FHIT: variants seen among roughly 807,000 people sequenced by gnomAD.
FHIT encodes the protein fragile histidine triad diadenosine triphosphatase.
A neutral mutation model predicts 17.9 loss-of-function variants in FHIT; 19 were observed. The observed-to-expected ratio is 1.06, with a 90% CI of 0.74 to 1.56. FHIT has a LOEUF of 1.56. Among genes scored for constraint, FHIT ranks in the 40% most tolerant of loss-of-function variants. FHIT has a pLI of 0.00. For synonymous variants in FHIT, 81 were observed against 69.7 expected (o/e 1.16, Z -0.81); for missense variants, 248 against 189.2 (o/e 1.31, Z -1.82).
At chr3:60,793,715 A>C (rs1237845996) in intron 4 of FHIT, among the ~76,000 whole-genome samples, 1 of 152,188 alleles carries the variant, frequency 6.6e-6, no homozygotes, top group African/African-American at 2.4e-5. Flanking sequence ...TCAGGGTAGA[A>C]TCCTCTGAGG....
At chr3:60,599,465 T>G (rs1184387036) in intron 4 of FHIT, among the ~76,000 whole-genome samples, 1 of 152,170 alleles carries the variant, frequency 6.6e-6, no homozygotes, top group Non-Finnish European at 1.5e-5. Flanking sequence ...TCTAAAATTT[T>G]TATTTGTTAC....
intron 8 of FHIT, among the ~76,000 whole-genome samples, chr3:59,918,966 T>A (rs1233101593): frequency 6.6e-6 from 1 of 151,932 alleles, no homozygotes; most frequent in Non-Finnish European, 1.5e-5. Context: ...GAGAAAAAAA[T>A]AAATACAGTG....
intron 3 of FHIT, among the ~76,000 whole-genome samples, chr3:60,833,911 G>A (rs1358454883): frequency 3.9e-5 from 6 of 152,074 alleles, no homozygotes; most frequent in Non-Finnish European, 7.4e-5. Context: ...TTGGTTTTGT[G>A]TTTTTTTCCC....
chr3:59,955,885 C>T (rs1488719571), intron 7 of FHIT, among the ~76,000 whole-genome samples: 1 of 152,198 alleles, frequency 6.6e-6, no homozygotes, highest in East Asian at 1.9e-4. Context: ...TCCTGTATCT[C>T]CACAGTCAGT....
At chr3:60,685,288 T>C (rs2040836922) in intron 4 of FHIT, among the ~76,000 whole-genome samples, 1 of 152,204 alleles carries the variant, frequency 6.6e-6, no homozygotes, top group African/African-American at 2.4e-5. Context: ...CTCCCGCTGA[T>C]CTGCCTTATG....
chr3:61,179,785 G>C (rs1452385000), intron 2 of FHIT, among the ~76,000 whole-genome samples: 1 of 148,102 alleles, frequency 6.8e-6, no homozygotes, highest in Admixed American at 6.7e-5. Context: ...AATCGCAGAT[G>C]AGTCAAGATA....
chr3:60,080,559 G>C (rs1448481904), intron 5 of FHIT, among the ~76,000 whole-genome samples: 1 of 152,002 alleles, frequency 6.6e-6, no homozygotes, highest in East Asian at 1.9e-4. Flanking sequence ...CATTTACTAA[G>C]CACTTCTTTA....
At chr3:60,877,697 T>G (rs931614818) in intron 3 of FHIT, among the ~76,000 whole-genome samples, 1 of 152,080 alleles carries the variant, frequency 6.6e-6, no homozygotes, top group South Asian at 2.1e-4. Flanking sequence ...TGATGTAGTA[T>G]CTTGTGTCCC....
intron 5 of FHIT, among the ~76,000 whole-genome samples, chr3:60,521,062 T>G (rs984864595): frequency 2.0e-5 from 3 of 152,144 alleles, no homozygotes; most frequent in Non-Finnish European, 2.9e-5. Flanking sequence ...AATGACTAAT[T>G]TAAACTTGAG....
At chr3:60,417,495 G>A (rs1307070171) in intron 5 of FHIT, among the ~76,000 whole-genome samples, 4 of 152,104 alleles carry the variant, frequency 2.6e-5, no homozygotes, top group African/African-American at 9.7e-5. Context: ...AGCTGACAAA[G>A]GCATAGGCTT....
chr3:61,193,330 G>A (rs370334255), intron 2 of FHIT, among the ~76,000 whole-genome samples: 70 of 152,242 alleles, frequency 4.6e-4, no homozygotes, highest in African/African-American at 1.7e-3. Context: ...AGAGGTGACA[G>A]GACTTTTGAT....
intron 5 of FHIT, among the ~76,000 whole-genome samples, chr3:60,365,841 T>C (rs942364688): frequency 6.6e-6 from 1 of 152,176 alleles, no homozygotes; most frequent in African/African-American, 2.4e-5. Context: ...TTATGGAACA[T>C]TTTTCTTCCT....
chr3:60,367,878 T>C (rs971965034), intron 5 of FHIT, among the ~76,000 whole-genome samples: 6 of 152,206 alleles, frequency 3.9e-5, no homozygotes, highest in African/African-American at 1.4e-4. Flanking sequence ...AAATAAGTTC[T>C]GCCTGTTCTT....
intron 8 of FHIT, among the ~76,000 whole-genome samples, chr3:59,911,680 T>C (rs929874437): frequency 1.3e-5 from 2 of 152,214 alleles, no homozygotes; most frequent in Admixed American, 6.5e-5. Flanking sequence ...AGGACAACAA[T>C]TTGAACTACT....
At chr3:59,882,249 A>G (rs1214470708) in intron 8 of FHIT, among the ~76,000 whole-genome samples, 1 of 152,202 alleles carries the variant, frequency 6.6e-6, no homozygotes, top group Non-Finnish European at 1.5e-5. Flanking sequence ...CATTTAAAAC[A>G]TATTCACACT....
At chr3:60,332,105 C>T (rs939220894) in intron 5 of FHIT, among the ~76,000 whole-genome samples, 3 of 152,144 alleles carry the variant, frequency 2.0e-5, no homozygotes, top group Admixed American at 2.0e-4. Context: ...ATACTAGGTA[C>T]TGTCCTTAGC....
chr3:59,978,968 C>A (rs189944188), intron 7 of FHIT, among the ~76,000 whole-genome samples: 2 of 152,072 alleles, frequency 1.3e-5, no homozygotes, highest in East Asian at 3.9e-4. Context: ...GAGTGTGAAC[C>A]TAACAGACAA....
intron 5 of FHIT, among the ~76,000 whole-genome samples, chr3:60,239,569 CA>C (rs1252473788): frequency 6.6e-6 from 1 of 152,052 alleles, no homozygotes; most frequent in Non-Finnish European, 1.5e-5. Context: ...AAAAAGCAAA[CA>C]AAAAACAGAA....
intron 3 of FHIT, among the ~76,000 whole-genome samples, chr3:60,961,194 C>T (rs1331706049): frequency 1.3e-5 from 2 of 152,174 alleles, no homozygotes; most frequent in African/African-American, 4.8e-5. Flanking sequence ...TGATGATGAG[C>T]ATGTTTTCCT....
Sources: allele counts gnomAD v4.1 joint callset (sites outside exome capture counted in the v4.1 genomes callset), GRCh38; gene constraint gnomAD v4.1.1; transcripts MANE v1.5; gene names NCBI Gene and HGNC (gene_info 2026-07-23, HGNC 2026-07-21).